Variants in KCNMB2 observed in about 807,000 individuals in gnomAD.
KCNMB2 encodes the protein potassium calcium-activated channel subfamily M regulatory beta subunit 2.
In KCNMB2, 9 loss-of-function variants were observed where a neutral mutation model predicts 24.5. That is an observed-to-expected ratio of 0.37 (90% CI 0.22 to 0.64). The LOEUF (loss-of-function observed/expected upper bound fraction) is 0.64, where lower values mean the gene tolerates loss of function less well. Among genes scored for constraint, KCNMB2 ranks in the 30% least tolerant of loss-of-function variants. KCNMB2 has a pLI of 0.63. For missense variants in KCNMB2, 226 were observed against 284.3 expected (o/e 0.79, Z 1.47); for synonymous variants, 109 against 104.4 (o/e 1.04, Z -0.27).
intron 1 of KCNMB2, among the ~76,000 whole-genome samples, chr3:178,747,842 A>G (rs1369141930): frequency 2.0e-5 from 3 of 152,104 alleles, no homozygotes; most frequent in African/African-American, 7.2e-5. Context: ...AACCTCCTCA[A>G]AGTTAGCTAG....
intron 1 of KCNMB2, among the ~76,000 whole-genome samples, chr3:178,629,289 A>C (rs189879017): frequency 6.6e-6 from 1 of 152,322 alleles, no homozygotes. Flanking sequence ...TTTATTATAA[A>C]TAGCATATTC....
intron 1 of KCNMB2, among the ~76,000 whole-genome samples, chr3:178,670,105 T>A (rs1450116340): frequency 6.6e-6 from 1 of 152,186 alleles, no homozygotes; most frequent in African/African-American, 2.4e-5. Context: ...TCCTCTTCTA[T>A]TACCACTTAT....
At chr3:178,783,253 T>A (rs906885552) in intron 1 of KCNMB2, among the ~76,000 whole-genome samples, 11 of 151,756 alleles carry the variant, frequency 7.2e-5, no homozygotes, top group Non-Finnish European at 1.3e-4. Context: ...TCTTTTGGCT[T>A]AGGATTGACT....
At chr3:178,725,449 C>T (rs1384770348) in intron 1 of KCNMB2, among the ~76,000 whole-genome samples, 4 of 151,970 alleles carry the variant, frequency 2.6e-5, no homozygotes, top group African/African-American at 7.2e-5. Context: ...ATCTAGGAAA[C>T]CCTAAAGATT....
rs67539620 is a variant in KCNMB2 at position 178,587,739 on chromosome 3, CTT to C, written c.-68+51041_-68+51042del. 4.0e-3 allele frequency among the ~76,000 whole-genome samples: 569 copies of C among 142,720 alleles called. 1 individual carries two copies. The highest frequency in any genetic ancestry group is 0.013 in the African/African-American group (498 of 39,078). 93.6% of individuals were successfully genotyped at this position (142,720 alleles called of 152,430 possible). A position where few individuals can be genotyped will look rare whatever the true frequency, so the allele number is the denominator to read the frequency against. On this transcript the variant is annotated intron_variant, in intron 1 of 4. Transcript: ENST00000452583. ...GGGATTACAGGCGTGAGCCAGTAATCTTTTTTTTTTTTTTATACGTTAAGTTT... is the reference window on the plus strand; with the variant it reads ...GGGATTACAGGCGTGAGCCAGTAATCTTTTTTTTTTTTATACGTTAAGTTT...
At chr3:178,809,349 G>A (rs1465461746) in intron 2 of KCNMB2, among the ~76,000 whole-genome samples, 1 of 152,118 alleles carries the variant, frequency 6.6e-6, no homozygotes, top group Non-Finnish European at 1.5e-5. Context: ...AATATATTTT[G>A]CTACTTTTTA....
intron 1 of KCNMB2, among the ~76,000 whole-genome samples, chr3:178,768,559 G>A (rs1244860192): frequency 2.0e-5 from 3 of 152,108 alleles, no homozygotes; most frequent in Non-Finnish European, 4.4e-5. Flanking sequence ...ACTATAGAAA[G>A]TAAAACCTGA....
chr3:178,776,867 C>T (rs1712601336), intron 1 of KCNMB2, among the ~76,000 whole-genome samples: 1 of 152,140 alleles, frequency 6.6e-6, no homozygotes, highest in African/African-American at 2.4e-5. Flanking sequence ...ACCCTGGCTC[C>T]TCTACTTGCC....
chr3:178,761,056 C>T (rs529809879), intron 1 of KCNMB2, among the ~76,000 whole-genome samples: 2 of 152,238 alleles, frequency 1.3e-5, no homozygotes, highest in African/African-American at 2.4e-5. Flanking sequence ...GGTGTGAGAC[C>T]TTCAAAGTGG....
At chr3:178,759,305 A>ATATC (rs1560008794) in intron 1 of KCNMB2, among the ~76,000 whole-genome samples, 4 of 101,318 alleles carry the variant, frequency 3.9e-5, no homozygotes, top group Non-Finnish European at 8.0e-5. Context: ...ACATATATAT[A>ATATC]TCTCCAAGAG....
intron 1 of KCNMB2, among the ~76,000 whole-genome samples, chr3:178,705,376 G>A (rs181334922): frequency 6.6e-6 from 1 of 152,140 alleles, no homozygotes; most frequent in Non-Finnish European, 1.5e-5. Context: ...TTGGGGGTAA[G>A]AGATAATATC....
At chr3:178,613,540 C>T (rs1434013505) in intron 1 of KCNMB2, among the ~76,000 whole-genome samples, 6 of 152,088 alleles carry the variant, frequency 3.9e-5, no homozygotes, top group Admixed American at 6.6e-5. Context: ...AAATTCCTCC[C>T]CTTTTGTTTG....
chr3:178,732,911 A>C (rs895045041), intron 1 of KCNMB2, among the ~76,000 whole-genome samples: 3 of 152,166 alleles, frequency 2.0e-5, no homozygotes, highest in Admixed American at 1.3e-4. Context: ...TTACAAATGT[A>C]ATCACATGAC....
At chr3:178,550,415 G>A (rs920230296) in intron 1 of KCNMB2, among the ~76,000 whole-genome samples, 48 of 125,066 alleles carry the variant, frequency 3.8e-4, no homozygotes, top group Middle Eastern at 5.7e-3. Context: ...CCAAGATAGC[G>A]CCACTGCACT....
Position 178,571,447 on chromosome 3 carries a change from GATAT to G in KCNMB2, c.-68+34772_-68+34775del, listed in dbSNP as rs71181237. Reference sequence around the variant, plus strand: ...TCTGTGGATCTGCCTTTTCCTTATGGATATATATATATATATATATATATATATA... The same window carrying G: ...TCTGTGGATCTGCCTTTTCCTTATGGATATATATATATATATATATATATA... On this transcript the variant is annotated intron_variant, in intron 1 of 4. Transcript: ENST00000452583. Among the ~76,000 whole-genome samples the G allele has an allele frequency of 8.8e-3, 801 of 91,040 alleles. 9 individuals are homozygous for G. Among genetic ancestry groups the G allele is most frequent in the East Asian group, 0.024 (58 of 2,414 alleles). The allele number at this position is 91,040 out of a possible 152,430, so 59.7% of individuals were successfully genotyped here. A position where few individuals can be genotyped will look rare whatever the true frequency, so the allele number is the denominator to read the frequency against.
intron 1 of KCNMB2, among the ~76,000 whole-genome samples, chr3:178,695,624 C>A (rs1005026828): frequency 5.3e-5 from 8 of 152,224 alleles, no homozygotes. Context: ...TTTGCTAAAG[C>A]ATACCAAGAT....
intron 1 of KCNMB2, 73 bp from the exon 2 acceptor site, chr3:178,807,270 C>A: frequency 1.7e-6 from 1 of 603,580 alleles, no homozygotes. Flanking sequence ...GGAATCAAAA[C>A]CCTGTTGTTA....
chr3:178,587,118 G>T (rs1436026162), intron 1 of KCNMB2, among the ~76,000 whole-genome samples: 1 of 151,708 alleles, frequency 6.6e-6, no homozygotes, highest in Non-Finnish European at 1.5e-5. Flanking sequence ...AAGAGGACAT[G>T]GTTTGAACTC....
intron 1 of KCNMB2, among the ~76,000 whole-genome samples, chr3:178,758,374 C>A (rs1165727613): frequency 1.4e-4 from 1 of 7,052 alleles, no homozygotes; most frequent in Non-Finnish European, 1.9e-4. Context: ...ATATATATCT[C>A]CAAGAGGGGA....
Sources: allele counts gnomAD v4.1 joint callset (sites outside exome capture counted in the v4.1 genomes callset), GRCh38; gene constraint gnomAD v4.1.1; transcripts MANE v1.5; gene names NCBI Gene and HGNC (gene_info 2026-07-23, HGNC 2026-07-21).